Variants in STK32A observed in about 807,000 individuals in gnomAD.
The protein encoded by STK32A is serine/threonine kinase 32A.
In STK32A, 41 loss-of-function variants were observed where a neutral mutation model predicts 53.2. That is an observed-to-expected ratio of 0.77 (90% CI 0.60 to 1.00). The LOEUF (loss-of-function observed/expected upper bound fraction) is 1.00, where lower values mean the gene tolerates loss of function less well. Among genes scored for constraint, STK32A ranks in the 50% least tolerant of loss-of-function variants. The pLI is 0.00. For synonymous variants in STK32A, 166 were observed against 162.8 expected, an observed-to-expected ratio of 1.02 and a Z score of -0.15; for missense variants, 458 against 485.8, an observed-to-expected ratio of 0.94 and a Z score of 0.54.
At chr5:147,353,319 T>C (rs1561741898) in intron 7 of STK32A, among the ~76,000 whole-genome samples, 1 of 152,174 alleles carries the variant, frequency 6.6e-6, no homozygotes, top group Non-Finnish European at 1.5e-5. Context: ...CAGAACTGAA[T>C]TGTAAAGCAT....
rs905612603 is a variant in STK32A, at chr5:147,279,730, C to T, written c.260+332C>T. 2.0e-5 allele frequency among the ~76,000 whole-genome samples: 3 copies of T among 152,168 alleles called. No homozygotes were observed. The South Asian group carries it at 6.2e-4, about 32-fold the overall frequency. ...GAAAAAAGATGGAGATTTCTTGGAA[C>T]TGTGGTGCCAGCTATTTTTACACCA... On this transcript the variant is annotated intron_variant, in intron 4 of 12. Transcript: ENST00000397936.
At chr5:147,255,469 G>A (rs543428957) in intron 2 of STK32A, among the ~76,000 whole-genome samples, 9 of 152,228 alleles carry the variant, frequency 5.9e-5, no homozygotes, top group African/African-American at 2.2e-4. Context: ...TAAGAATTGA[G>A]GCTATTATTC....
At chr5:147,308,310 A>T (rs1322637494) in intron 4 of STK32A, among the ~76,000 whole-genome samples, 1 of 152,116 alleles carries the variant, frequency 6.6e-6, no homozygotes, top group Non-Finnish European at 1.5e-5. Flanking sequence ...ATAAGATTAC[A>T]AGTGGTATTA....
chr5:147,279,265 A>G lies in STK32A; in HGVS notation c.127A>G (p.Asn43Asp). Residue 43 changes from asparagine to aspartate, a missense_variant, in exon 4 of 13, where the codon AAT becomes GAT. Coordinates refer to ENST00000397936, the MANE Select transcript of STK32A (RefSeq NM_001112724.2). The part of the protein sequence containing the change: ...SFGKVCIVQK[N>D]DTKKMYAMKY... Reference sequence around the variant, plus strand: ...CCATTAGGTCTGCATTGTACAGAAGAATGATACCAAGAAGATGTACGCAAT... The same window carrying G: ...CCATTAGGTCTGCATTGTACAGAAGGATGATACCAAGAAGATGTACGCAAT... The G allele has an allele frequency of 6.2e-7, 1 of 1,613,798 alleles. No individual in the cohort carries two copies. The highest frequency in any genetic ancestry group is 8.5e-7 in the Non-Finnish European group (1 of 1,179,818).
At chr5:147,301,318 C>G (rs1022840747) in intron 4 of STK32A, among the ~76,000 whole-genome samples, 1 of 151,736 alleles carries the variant, frequency 6.6e-6, no homozygotes, top group South Asian at 2.1e-4. Context: ...CCTATAGATA[C>G]AAATCATCTC....
chr5:147,390,534 C>T (rs1397029256), downstream of STK32A, among the ~76,000 whole-genome samples: 1 of 149,388 alleles, frequency 6.7e-6, no homozygotes, highest in African/African-American at 2.5e-5. Context: ...CTGGACTTAG[C>T]TAGATTTATC....
At position 147,387,470 on chromosome 5, in the gene STK32A, G is replaced by A. The variant is rs1581163749; in HGVS notation, c.*3487G>A. The A allele has an allele frequency of 6.6e-6, 1 of 152,228 alleles. No individual in the cohort carries two copies. The highest frequency in any genetic ancestry group is 2.4e-5 in the African/African-American group (1 of 41,456). The allele number at this position is 152,228 out of a possible 1,614,324, so 9.4% of individuals were successfully genotyped here. On this transcript the variant is annotated 3_prime_UTR_variant, in exon 13 of 13. Coordinates refer to ENST00000397936, the MANE Select transcript of STK32A (RefSeq NM_001112724.2). The stretch of plus-strand genomic sequence containing the variant: ...TGTAGATTGGATGGAAGAATAAGTA[G>A]GAAGAAAGAGTATTAATGTAGCTAG...
At chr5:147,301,826 G>T (rs1010379539) in intron 4 of STK32A, among the ~76,000 whole-genome samples, 46 of 152,278 alleles carry the variant, frequency 3.0e-4, no homozygotes, top group Admixed American at 2.8e-3. Context: ...TTCTTCCAGA[G>T]CCTCCAGGTG....
intron 3 of STK32A, 39 bp from the exon 4 acceptor site, chr5:147,279,208 T>G (rs1751916288): frequency 6.4e-7 from 1 of 1,569,202 alleles, no homozygotes; most frequent in African/African-American, 1.3e-5. Context: ...TGATCCATTA[T>G]CTCCCTAATC....
chr5:147,257,186 T>C (rs1419216477), intron 2 of STK32A, among the ~76,000 whole-genome samples: 1 of 152,028 alleles, frequency 6.6e-6, no homozygotes, highest in Non-Finnish European at 1.5e-5. Context: ...GGGCAATCCC[T>C]TCTTGCTATT....
chr5:147,279,220 C>G, intron 3 of STK32A, 27 bp from the exon 4 acceptor site: 1 of 1,588,468 alleles, frequency 6.3e-7, no homozygotes, highest in South Asian at 1.1e-5. Flanking sequence ...TCCCTAATCA[C>G]TCTCTCACTC....
intron 5 of STK32A, among the ~76,000 whole-genome samples, chr5:147,330,652 T>G (rs1754821593): frequency 1.3e-5 from 2 of 152,196 alleles, no homozygotes; most frequent in African/African-American, 4.8e-5. Flanking sequence ...CAACAAGTGA[T>G]CAGTAATGAT....
At chr5:147,251,971 G>A (rs901083847) in intron 2 of STK32A, among the ~76,000 whole-genome samples, 9 of 152,142 alleles carry the variant, frequency 5.9e-5, no homozygotes, top group Non-Finnish European at 8.8e-5. Flanking sequence ...GGGAGGCTGA[G>A]GCAGGTGGAT....
intron 2 of STK32A, 126 bp from the exon 3 acceptor site, chr5:147,277,998 C>T (rs1031605210): frequency 4.9e-5 from 37 of 751,884 alleles, no homozygotes; most frequent in Non-Finnish European, 8.2e-5. Context: ...ATTAGATTGG[C>T]ATTTTAAGGT....
At chr5:147,326,262 A>G (rs1373401513) in intron 5 of STK32A, among the ~76,000 whole-genome samples, 1 of 152,156 alleles carries the variant, frequency 6.6e-6, no homozygotes, top group Non-Finnish European at 1.5e-5. Flanking sequence ...TTGCCCTTCA[A>G]TCACATCCAC....
At chr5:147,341,680 T>C (rs1347000824) in intron 5 of STK32A, among the ~76,000 whole-genome samples, 1 of 152,070 alleles carries the variant, frequency 6.6e-6, no homozygotes, top group Non-Finnish European at 1.5e-5. Flanking sequence ...ATAAGGCCTA[T>C]AGTTATTTAA....
At chr5:147,256,607 G>C (rs184619815) in intron 2 of STK32A, among the ~76,000 whole-genome samples, 1 of 152,130 alleles carries the variant, frequency 6.6e-6, no homozygotes, top group Non-Finnish European at 1.5e-5. Context: ...TGCTTCCCAG[G>C]TTCAAGCAAT....
chr5:147,397,542 G>T, the STK32A span: 1 of 1,066,452 alleles, frequency 9.4e-7, no homozygotes, highest in African/African-American at 1.6e-5. Context: ...TTGGGGACAA[G>T]ACTGTCACTG....
chr5:147,277,123 T>C (rs1299301512), intron 2 of STK32A, among the ~76,000 whole-genome samples: 1 of 152,180 alleles, frequency 6.6e-6, no homozygotes, highest in East Asian at 1.9e-4. Flanking sequence ...TTCTAGATAA[T>C]AGAGAAAAAC....
Sources: allele counts gnomAD v4.1 joint callset (sites outside exome capture counted in the v4.1 genomes callset), GRCh38; gene constraint gnomAD v4.1.1; transcripts MANE v1.5; gene names NCBI Gene and HGNC (gene_info 2026-07-23, HGNC 2026-07-21).